The following WWP2 variants were observed in gnomAD, a reference collection of about 807,000 sequenced individuals.
The protein encoded by WWP2 is WW domain containing E3 ubiquitin protein ligase 2.
WWP2 carries 57 observed loss-of-function variants against 121.0 expected under a neutral mutation model. That is an observed-to-expected ratio of 0.47 (90% CI 0.38 to 0.59). The LOEUF is 0.59. Ranked by LOEUF, WWP2 falls within the 20% of genes least tolerant of loss-of-function variation. The pLI is 0.00. For missense variants in WWP2, 962 were observed against 1,158.9 expected, an observed-to-expected ratio of 0.83 and a Z score of 2.47; for synonymous variants, 449 against 441.3, an observed-to-expected ratio of 1.02 and a Z score of -0.22.
chr16:69,912,994 ATTTTTTTTTTTTTTTTTTTTTTTTTT>A (rs1198509809), intron 9 of WWP2, among the ~76,000 whole-genome samples: 10 of 3,928 alleles, frequency 2.5e-3, no homozygotes, highest in African/African-American at 9.4e-3. Flanking sequence ...ATATATATAT[ATTTTTTTTTTTTTTTTTTTTTTTTTT>A]TTTTTTTTTT....
intron 4 of WWP2, among the ~76,000 whole-genome samples, chr16:69,815,456 T>G (rs1178736295): frequency 6.7e-6 from 1 of 149,894 alleles, no homozygotes; most frequent in African/African-American, 2.5e-5. Flanking sequence ...TATTCTAGCC[T>G]GGGTGACAGA....
chr16:69,929,185 C>T (rs1224466753), intron 11 of WWP2, among the ~76,000 whole-genome samples: 1 of 152,138 alleles, frequency 6.6e-6, no homozygotes, highest in East Asian at 1.9e-4. Context: ...CACCCCCTCC[C>T]TCCGACCAAT....
intron 4 of WWP2, among the ~76,000 whole-genome samples, chr16:69,831,302 G>A (rs1201984537): frequency 6.6e-6 from 1 of 152,164 alleles, no homozygotes; most frequent in Non-Finnish European, 1.5e-5. Flanking sequence ...CATTTCGGTG[G>A]TATGGGGTGG....
intron 1 of WWP2, chr16:69,774,975 A>AT (rs1424203593): frequency 6.5e-6 from 1 of 152,726 alleles, no homozygotes; most frequent in East Asian, 1.9e-4. Context: ...TCAAAAAAAA[A>AT]AAAAAAAGAA....
intron 1 of WWP2, 77 bp from the exon 2 acceptor site, chr16:69,786,918 TA>T: frequency 7.7e-7 from 1 of 1,299,868 alleles, no homozygotes; most frequent in Non-Finnish European, 1.1e-6. Context: ...TCTTTAAGCT[TA>T]AATATTGAAA....
intron 1 of WWP2, among the ~76,000 whole-genome samples, chr16:69,782,562 T>C (rs2055686698): frequency 6.6e-6 from 1 of 152,208 alleles, no homozygotes; most frequent in African/African-American, 2.4e-5. Flanking sequence ...TTTGGTAACC[T>C]GGAGGTCTCT....
chr16:69,778,067 TC>T (rs2055573420), intron 1 of WWP2, among the ~76,000 whole-genome samples: 1 of 89,652 alleles, frequency 1.1e-5, no homozygotes, highest in African/African-American at 5.0e-5. Context: ...TGAAACCCTG[TC>T]TCAAATATAT....
chr16:69,853,820 G>T (rs994129951), intron 6 of WWP2, among the ~76,000 whole-genome samples: 1 of 152,220 alleles, frequency 6.6e-6, no homozygotes, highest in Non-Finnish European at 1.5e-5. Context: ...TTCCTCTACT[G>T]TGCTGTCATT....
intron 17 of WWP2, among the ~76,000 whole-genome samples, chr16:69,934,717 G>A (rs2058769342): frequency 6.6e-6 from 1 of 150,604 alleles, no homozygotes; most frequent in Admixed American, 6.6e-5. Context: ...AGAGACCCTG[G>A]GCCCCCTCTT....
At chr16:69,825,051 T>C (rs1473803514) in intron 4 of WWP2, among the ~76,000 whole-genome samples, 1 of 151,920 alleles carries the variant, frequency 6.6e-6, no homozygotes. Flanking sequence ...CATGAGCCAC[T>C]GTGCTCGGCC....
At chr16:69,863,155 T>G (rs1337721454) in intron 6 of WWP2, among the ~76,000 whole-genome samples, 1 of 152,222 alleles carries the variant, frequency 6.6e-6, no homozygotes, top group African/African-American at 2.4e-5. Flanking sequence ...ACATTCTTGC[T>G]GTTTTTTTGA....
intron 10 of WWP2, among the ~76,000 whole-genome samples, chr16:69,923,458 C>G (rs1239244284): frequency 6.6e-6 from 1 of 152,028 alleles, no homozygotes; most frequent in East Asian, 1.9e-4. Flanking sequence ...AAGGGCTGAT[C>G]AGTATTTTCT....
intron 8 of WWP2, among the ~76,000 whole-genome samples, chr16:69,902,217 A>G (rs2058216519): frequency 6.6e-6 from 1 of 152,278 alleles, no homozygotes; most frequent in South Asian, 2.1e-4. Flanking sequence ...GTCTGATAAC[A>G]TGAGAGAGAT....
At chr16:69,865,936 G>C (rs1042340388) in intron 6 of WWP2, among the ~76,000 whole-genome samples, 1 of 152,188 alleles carries the variant, frequency 6.6e-6, no homozygotes, top group African/African-American at 2.4e-5. Context: ...GAGGCCATTG[G>C]TTGAAATCAG....
intron 1 of WWP2, among the ~76,000 whole-genome samples, chr16:69,772,653 A>G (rs1008781547): frequency 6.6e-6 from 1 of 152,172 alleles, no homozygotes; most frequent in Non-Finnish European, 1.5e-5. Flanking sequence ...AGACATTTCT[A>G]GAAAAGTGGT....
intron 9 of WWP2, chr16:69,909,494 A>G: frequency 1.0e-6 from 1 of 985,482 alleles, no homozygotes. Context: ...GGCGTGTGCC[A>G]CACACATCCC....
chr16:69,937,374 C>T lies in WWP2; in HGVS notation c.2238+136C>T. 7.0e-7 allele frequency: 1 copy of T among 1,434,726 alleles called. No individual in the cohort carries two copies. Among genetic ancestry groups the T allele is most frequent in the Non-Finnish European group, 9.4e-7 (1 of 1,065,862 alleles). The allele number at this position is 1,434,726 out of a possible 1,614,324, so 88.9% of individuals were successfully genotyped here. A position where few individuals can be genotyped will look rare whatever the true frequency, so the allele number is the denominator to read the frequency against. ...CAGGGCAGATGGGTTTGATTTGGGA[C>T]CCACCCTTCCCCAGACACTTGTTTC... On this transcript the variant is annotated intron_variant, in intron 20 of 23. Coordinates refer to ENST00000359154, the MANE Select transcript of WWP2 (RefSeq NM_001270454.2). The surrounding 1 kb of genome is among the most constrained non-coding windows in gnomAD (Gnocchi z 6.6).
At chr16:69,904,743 G>A (rs2058261184) in intron 8 of WWP2, among the ~76,000 whole-genome samples, 1 of 152,054 alleles carries the variant, frequency 6.6e-6, no homozygotes, top group African/African-American at 2.4e-5. Context: ...GAAATATGAA[G>A]ATCTCCCTTT....
At chr16:69,852,667 C>A (rs1343488369) in intron 6 of WWP2, among the ~76,000 whole-genome samples, 3 of 128,156 alleles carry the variant, frequency 2.3e-5, no homozygotes, top group Non-Finnish European at 3.4e-5. Flanking sequence ...TTTTAAAAAT[C>A]TGGTTGTTCA....
Sources: allele counts gnomAD v4.1 joint callset (sites outside exome capture counted in the v4.1 genomes callset), GRCh38; gene constraint gnomAD v4.1.1; non-coding constraint Gnocchi (gnomAD v3.1); transcripts MANE v1.5; gene names NCBI Gene and HGNC (gene_info 2026-07-23, HGNC 2026-07-21).